LAMA2: variants seen among roughly 807,000 people sequenced by gnomAD.
The protein encoded by LAMA2 is laminin subunit alpha 2.
In LAMA2, 269 loss-of-function variants were observed where a neutral mutation model predicts 364.8. That is an observed-to-expected ratio of 0.74 (90% CI 0.67 to 0.82). The LOEUF (loss-of-function observed/expected upper bound fraction) is 0.82. LAMA2 is among the 40% of genes least tolerant of loss of function. The pLI is 0.00. For synonymous variants in LAMA2, 1,379 were observed against 1,370.6 expected (o/e 1.01, Z -0.14); for missense variants, 3,807 against 3,873.2 (o/e 0.98, Z 0.45).
intron 1 of LAMA2, among the ~76,000 whole-genome samples, chr6:128,919,445 C>G (rs1377716648): frequency 6.6e-6 from 1 of 152,192 alleles, no homozygotes; most frequent in Non-Finnish European, 1.5e-5. Context: ...ACAAATCAAT[C>G]CTAGTTCCTT....
At chr6:128,897,907 A>G (rs1776867737) in intron 1 of LAMA2, among the ~76,000 whole-genome samples, 1 of 152,224 alleles carries the variant, frequency 6.6e-6, no homozygotes, top group Non-Finnish European at 1.5e-5. Flanking sequence ...AAAGCAGCGC[A>G]GCACTTTTGA....
intron 1 of LAMA2, among the ~76,000 whole-genome samples, chr6:129,035,809 A>G (rs1786602590): frequency 6.6e-6 from 1 of 151,842 alleles, no homozygotes; most frequent in African/African-American, 2.4e-5. Flanking sequence ...TTATTTTTGC[A>G]TTCTCTATTT....
intron 53 of LAMA2, among the ~76,000 whole-genome samples, chr6:129,476,885 G>GCGGGGGTGGAAA (rs1230308987): frequency 6.6e-6 from 1 of 152,192 alleles, no homozygotes; most frequent in Non-Finnish European, 1.5e-5. Context: ...AGAAAGGAGT[G>GCGGGGGTGGAAA]CGGGGGTGGA....
rs2114939162 is a variant in LAMA2 at position 129,514,441 on chromosome 6, T to C, written c.9057T>C (p.His3019=). The part of the protein sequence containing the change: ...TAVYDAGVPG[H]LCDGQWHKVT... ...TCTATGATGCTGGGGTTCCAGGGCA[T>C]TTGTGTGATGGACAATGGCATAAAG... Residue 3019 remains histidine (H), a synonymous_variant, in exon 64 of 65, where the codon CAT becomes CAC. Transcript: ENST00000421865. 1 of 1,614,068 alleles carries C rather than the reference T, an allele frequency of 6.2e-7. No homozygotes were observed. The highest frequency in any genetic ancestry group is 8.5e-7 in the Non-Finnish European group (1 of 1,179,976).
chr6:129,070,952 C>A (rs943915842), intron 3 of LAMA2, among the ~76,000 whole-genome samples: 1 of 152,096 alleles, frequency 6.6e-6, no homozygotes, highest in Admixed American at 6.6e-5. Flanking sequence ...TAACCAGCAA[C>A]CCAGAAACTT....
At chr6:129,095,823 T>C (rs1775145418) in intron 3 of LAMA2, among the ~76,000 whole-genome samples, 2 of 151,394 alleles carry the variant, frequency 1.3e-5, no homozygotes, top group African/African-American at 4.9e-5. Flanking sequence ...CTTGGGAGGC[T>C]GAGGCAGGAG....
chr6:129,312,161 A>C (rs9388694), intron 22 of LAMA2, among the ~76,000 whole-genome samples: 52,019 of 151,940 alleles, frequency 0.34, 10,437 homozygotes, highest in Non-Finnish European at 0.44. Flanking sequence ...GGAAAAAAAA[A>C]AAACAAACCC....
chr6:129,137,957 C>T (rs1583113376), intron 4 of LAMA2, among the ~76,000 whole-genome samples: 2 of 152,004 alleles, frequency 1.3e-5, no homozygotes, highest in African/African-American at 4.8e-5. Flanking sequence ...AGCTCCTAGA[C>T]AGTCCATGGA....
intron 45 of LAMA2, among the ~76,000 whole-genome samples, chr6:129,449,075 C>T (rs1782533568): frequency 6.6e-6 from 1 of 152,164 alleles, no homozygotes; most frequent in African/African-American, 2.4e-5. Flanking sequence ...GAAAAGACTA[C>T]TGATTATGTA....
At chr6:129,339,092 T>A (rs1776114148) in intron 29 of LAMA2, among the ~76,000 whole-genome samples, 1 of 105,854 alleles carries the variant, frequency 9.4e-6, no homozygotes, top group Non-Finnish European at 2.3e-5. Context: ...GTTTGATATG[T>A]TCATAGGATG....
At chr6:129,113,723 A>C (rs1259544491) in intron 4 of LAMA2, among the ~76,000 whole-genome samples, 1 of 152,026 alleles carries the variant, frequency 6.6e-6, no homozygotes, top group Non-Finnish European at 1.5e-5. Flanking sequence ...GAGAAGGAAT[A>C]GTGTCCTGGG....
chr6:129,161,576 T>C (rs901205051), intron 8 of LAMA2, among the ~76,000 whole-genome samples: 5 of 152,202 alleles, frequency 3.3e-5, no homozygotes, highest in Admixed American at 2.6e-4. Flanking sequence ...GGGTAAATTA[T>C]GTGTCATGGG....
At chr6:129,087,266 C>T (rs1042557239) in intron 3 of LAMA2, among the ~76,000 whole-genome samples, 1 of 152,130 alleles carries the variant, frequency 6.6e-6, no homozygotes, top group African/African-American at 2.4e-5. Context: ...TTCTTGTTAG[C>T]AGAAACAAAT....
chr6:129,378,650 T>C (rs942170506), intron 34 of LAMA2, among the ~76,000 whole-genome samples: 1 of 152,210 alleles, frequency 6.6e-6, no homozygotes. Flanking sequence ...CAGTTTTTCA[T>C]GTATTTTACT....
chr6:129,475,180 G>C (rs1784006864), intron 52 of LAMA2, among the ~76,000 whole-genome samples: 1 of 151,674 alleles, frequency 6.6e-6, no homozygotes. Flanking sequence ...GTGAGCTACG[G>C]TCATATTTTG....
Position 129,297,854 on chromosome 6 carries a change from G to T in LAMA2, c.3026G>T (p.Gly1009Val), listed in dbSNP as rs755480007. The T allele has an allele frequency of 6.2e-7, 1 of 1,613,716 alleles. No individual in the cohort carries two copies. The highest frequency in any genetic ancestry group is 8.5e-7 in the Non-Finnish European group (1 of 1,179,812). Reference protein sequence around the residue: ...CAHGYFNFQEGGCTACECSHL... With the variant: ...CAHGYFNFQEVGCTACECSHL... Reference sequence around the variant, plus strand: ...CACGGCTATTTCAACTTCCAAGAAGGAGGCTGCACAGGTCTGTAAATATGA... The same window carrying T: ...CACGGCTATTTCAACTTCCAAGAAGTAGGCTGCACAGGTCTGTAAATATGA... Residue 1009 changes from glycine to valine, a missense_variant, in exon 21 of 65, where the codon GGA becomes GTA. Transcript: ENST00000421865.
intron 10 of LAMA2, among the ~76,000 whole-genome samples, chr6:129,187,934 G>T (rs1781320813): frequency 6.6e-6 from 1 of 151,780 alleles, no homozygotes; most frequent in Non-Finnish European, 1.5e-5. Flanking sequence ...ATGAATTCTT[G>T]TTCCCAATGT....
chr6:129,363,644 G>A lies in LAMA2; in HGVS notation c.4718-2575G>A, dbSNP rs1185400437. 2.0e-5 allele frequency among the ~76,000 whole-genome samples: 3 copies of A among 152,222 alleles called. No homozygotes were observed. In the East Asian group the frequency reaches 5.8e-4, roughly 29 times the overall value. Reference sequence around the variant, plus strand: ...CCAACAGTAGCAATATCACCTGGGAGCTTGTTAGAAAAGCACATTCTCAGT... The same window carrying A: ...CCAACAGTAGCAATATCACCTGGGAACTTGTTAGAAAAGCACATTCTCAGT... On this transcript the variant is annotated intron_variant, in intron 32 of 64. Coordinates refer to ENST00000421865, the MANE Select transcript of LAMA2 (RefSeq NM_000426.4).
chr6:129,112,149 A>G (rs187620205), intron 4 of LAMA2, among the ~76,000 whole-genome samples: 1 of 152,026 alleles, frequency 6.6e-6, no homozygotes, highest in African/African-American at 2.4e-5. Context: ...TCTTCAGGAT[A>G]AACTACCTTT....
Sources: gnomAD v4.1 joint callset for allele counts (sites outside exome capture counted in the v4.1 genomes callset) on GRCh38, gnomAD v4.1.1 for gene constraint, MANE v1.5 for transcripts, NCBI Gene and HGNC (gene_info 2026-07-23, HGNC 2026-07-21) for gene names.